Variants in PLEKHA5 observed in about 807,000 individuals in gnomAD.
PLEKHA5 encodes pleckstrin homology domain-containing family A member 5.
In PLEKHA5, 55 loss-of-function variants were observed where a neutral mutation model predicts 181.9. That is an observed-to-expected ratio of 0.30 (90% CI 0.24 to 0.38). PLEKHA5 has a LOEUF of 0.38. Ranked by LOEUF, PLEKHA5 falls within the 10% of genes least tolerant of loss-of-function variation. The pLI is 1.00. For synonymous variants in PLEKHA5, 535 were observed against 529.4 expected, an observed-to-expected ratio of 1.01 and a Z score of -0.15; for missense variants, 1,432 against 1,549.5, an observed-to-expected ratio of 0.92 and a Z score of 1.27.
intron 29 of PLEKHA5, among the ~76,000 whole-genome samples, chr12:19,364,865 A>G (rs535706225): frequency 7.9e-5 from 12 of 152,148 alleles, no homozygotes; most frequent in African/African-American, 2.9e-4. Flanking sequence ...GAGTTTCACC[A>G]TCTTGGCTAG....
intron 3 of PLEKHA5, among the ~76,000 whole-genome samples, chr12:19,239,646 C>T (rs553823168): frequency 6.6e-6 from 1 of 152,262 alleles, no homozygotes; most frequent in South Asian, 2.1e-4. Context: ...TGTTTCAAAA[C>T]TTATATAACA....
chr12:19,297,361 G>A (rs745695573), intron 15 of PLEKHA5, among the ~76,000 whole-genome samples: 69 of 151,794 alleles, frequency 4.5e-4, no homozygotes, highest in Non-Finnish European at 5.3e-4. Context: ...GGTGGCTCAC[G>A]CCTGTAATCC....
intron 8 of PLEKHA5, among the ~76,000 whole-genome samples, chr12:19,266,927 C>T (rs1036570708): frequency 5.3e-5 from 8 of 151,966 alleles, no homozygotes; most frequent in Non-Finnish European, 1.0e-4. Flanking sequence ...TCATGATCAT[C>T]GGGTACTTTA....
At chr12:19,311,627 T>G (rs1216591163) in intron 15 of PLEKHA5, among the ~76,000 whole-genome samples, 1 of 152,210 alleles carries the variant, frequency 6.6e-6, no homozygotes, top group Non-Finnish European at 1.5e-5. Context: ...ATGCAGTTCC[T>G]CATCCACTCA....
chr12:19,269,401 A>AG (rs2071798531), intron 8 of PLEKHA5, among the ~76,000 whole-genome samples: 1 of 151,604 alleles, frequency 6.6e-6, no homozygotes, highest in Non-Finnish European at 1.5e-5. Context: ...AAAAGAAAAA[A>AG]AAAAAAAAAG....
chr12:19,355,370 T>A (rs1240302019), intron 26 of PLEKHA5, among the ~76,000 whole-genome samples: 2 of 137,836 alleles, frequency 1.5e-5, no homozygotes, highest in African/African-American at 2.8e-5. Context: ...TTTTTTTCAA[T>A]GGATAGGGTT....
chr12:19,332,707 A>G (rs1277181649), intron 20 of PLEKHA5, among the ~76,000 whole-genome samples: 1 of 152,198 alleles, frequency 6.6e-6, no homozygotes, highest in Non-Finnish European at 1.5e-5. Flanking sequence ...TCTCTTACAC[A>G]GGCTGGAGTA....
chr12:19,185,342 T>G (rs1183499907), intron 3 of PLEKHA5, among the ~76,000 whole-genome samples: 2 of 152,182 alleles, frequency 1.3e-5, no homozygotes, highest in Non-Finnish European at 2.9e-5. Flanking sequence ...GCACATTATG[T>G]AAGCTGGACC....
chr12:19,196,073 A>G (rs1250344292), intron 3 of PLEKHA5, among the ~76,000 whole-genome samples: 2 of 152,148 alleles, frequency 1.3e-5, no homozygotes, highest in Non-Finnish European at 1.5e-5. Flanking sequence ...GTTTTTTTCC[A>G]TGACATTGAA....
intron 3 of PLEKHA5, among the ~76,000 whole-genome samples, chr12:19,173,084 C>T (rs1490027825): frequency 5.0e-5 from 6 of 119,002 alleles, no homozygotes; most frequent in African/African-American, 1.6e-4. Context: ...ACTGCAGTGG[C>T]GCAATCTCGG....
At chr12:19,194,327 A>G (rs2052082752) in intron 3 of PLEKHA5, among the ~76,000 whole-genome samples, 1 of 152,124 alleles carries the variant, frequency 6.6e-6, no homozygotes, top group Non-Finnish European at 1.5e-5. Context: ...ATGCACATTT[A>G]CTTTATCCAG....
At chr12:19,323,219 T>C (rs1246147323) in intron 20 of PLEKHA5, among the ~76,000 whole-genome samples, 1 of 152,008 alleles carries the variant, frequency 6.6e-6, no homozygotes, top group Non-Finnish European at 1.5e-5. Context: ...TACTCCTGTT[T>C]ATTGCATTAA....
intron 11 of PLEKHA5, among the ~76,000 whole-genome samples, chr12:19,280,914 T>C (rs1253800991): frequency 6.6e-6 from 1 of 151,816 alleles, no homozygotes; most frequent in Non-Finnish European, 1.5e-5. Flanking sequence ...TTTCACCATG[T>C]TGGCCAAGCT....
chr12:19,209,184 A>G (rs2056388511), intron 3 of PLEKHA5, among the ~76,000 whole-genome samples: 1 of 152,152 alleles, frequency 6.6e-6, no homozygotes, highest in Admixed American at 6.5e-5. Flanking sequence ...GCTAAAATTG[A>G]AGGAAGAATA....
At position 19,291,693 on chromosome 12, in the gene PLEKHA5, A is replaced by G. The variant is rs2078493493; in HGVS notation, c.2033A>G (p.His678Arg). 6.7e-7 allele frequency: 1 copy of G among 1,491,516 alleles called. No homozygotes were observed. The highest frequency in any genetic ancestry group is 9.0e-7 in the Non-Finnish European group (1 of 1,108,736). 92.4% of individuals were successfully genotyped at this position (1,491,516 alleles called of 1,614,324 possible). The change falls in exon 15 of 32, where the codon CAT (histidine) becomes CGT (arginine). Residue 678 changes from histidine (H) to arginine (R), a missense_variant. This residue lies in a region of PLEKHA5 where 1,143 missense variants were observed against 1,168.4 expected (regional missense o/e 0.98). Coordinates refer to ENST00000429027, the MANE Select transcript of PLEKHA5 (RefSeq NM_001256470.2). ...HLQRNTIYLD[H>R]QMKENEPIIT... is the part of the protein sequence containing the mutation. ...CAAAGGAACACCATATATTTGGATCATCAGGTGGGATTCATAGAGATTTTC... is the reference window on the plus strand; with the variant it reads ...CAAAGGAACACCATATATTTGGATCGTCAGGTGGGATTCATAGAGATTTTC...
rs557484208 is a variant in PLEKHA5 at position 19,248,899 on chromosome 12, T to A, written c.228-5041T>A. Among the ~76,000 whole-genome samples the A allele has an allele frequency of 7.9e-5, 12 of 152,364 alleles. No homozygotes were observed. The East Asian group carries it at 1.3e-3, about 17-fold the overall frequency. On this transcript the variant is annotated intron_variant, in intron 3 of 31. Coordinates refer to ENST00000429027, the MANE Select transcript of PLEKHA5 (RefSeq NM_001256470.2). ...ATATAATGATGACATATACTGAATG[T>A]CCTGCAGTTCATAATAATTGTAAAT...
Position 19,216,818 on chromosome 12 carries a change from A to G in PLEKHA5, c.228-37122A>G, listed in dbSNP as rs139411112. On this transcript the variant is annotated intron_variant, in intron 3 of 31. Coordinates refer to ENST00000429027, the MANE Select transcript of PLEKHA5 (RefSeq NM_001256470.2). The stretch of plus-strand genomic sequence containing the variant: ...ATCATGTTTTCTTGTAAATGTGATT[A>G]CTATCTTCCAGATCTACTACTGATT... Among the ~76,000 whole-genome samples, 474 of 152,292 alleles carry G rather than the reference A, an allele frequency of 3.1e-3. 4 individuals are homozygous for G. Among genetic ancestry groups the G allele is most frequent in the African/African-American group, 0.011 (456 of 41,560 alleles).
intron 3 of PLEKHA5, among the ~76,000 whole-genome samples, chr12:19,155,622 G>A (rs1038057521): frequency 2.0e-5 from 3 of 152,174 alleles, no homozygotes; most frequent in Admixed American, 2.0e-4. Flanking sequence ...GTTAACCATA[G>A]TCTTGGACAT....
At chr12:19,259,952 T>C (rs534114961) in intron 6 of PLEKHA5, among the ~76,000 whole-genome samples, 3 of 152,038 alleles carry the variant, frequency 2.0e-5, no homozygotes, top group Non-Finnish European at 2.9e-5. Context: ...AACTGGCCTC[T>C]CGTTTTTTCT....
Sources: gnomAD v4.1 joint callset for allele counts (sites outside exome capture counted in the v4.1 genomes callset) on GRCh38, gnomAD v4.1.1 for gene constraint, gnomAD v4.1.1 regional missense constraint, MANE v1.5 for transcripts, NCBI Gene and HGNC (gene_info 2026-07-23, HGNC 2026-07-21) for gene names.